Variants in PDE4B observed in about 807,000 individuals in gnomAD.
PDE4B encodes the protein phosphodiesterase 4B, also known as 3',5'-cyclic-AMP phosphodiesterase 4B.
Under a neutral mutation model 82.2 loss-of-function variants are expected in PDE4B, and 20 were observed. The observed-to-expected ratio is 0.24, with a 90% confidence interval of 0.17 to 0.35. PDE4B has a LOEUF of 0.35. Ranked by LOEUF, PDE4B falls within the 10% of genes least tolerant of loss-of-function variation. The probability of loss-of-function intolerance (pLI) is 1.00; values close to 1 mark genes in which losing one functional copy is unlikely to be tolerated. For synonymous variants in PDE4B, 320 were observed against 318.9 expected (o/e 1.00, Z -0.04); for missense variants, 655 against 907.2 (o/e 0.72, Z 3.57).
intron 3 of PDE4B, among the ~76,000 whole-genome samples, chr1:66,237,898 G>A (rs183398168): frequency 5.9e-5 from 9 of 152,290 alleles, no homozygotes; most frequent in Admixed American, 3.9e-4. Flanking sequence ...TTAGTATACC[G>A]TTAAGTGCAA....
intron 1 of PDE4B, among the ~76,000 whole-genome samples, chr1:65,902,107 A>G (rs1192166286): frequency 6.6e-6 from 1 of 151,940 alleles, no homozygotes; most frequent in African/African-American, 2.4e-5. Flanking sequence ...AGAGATCTTC[A>G]TGGTATTGAC....
chr1:66,211,363 C>T (rs11208821), intron 3 of PDE4B, among the ~76,000 whole-genome samples: 73,400 of 151,844 alleles, frequency 0.48, 18,958 homozygotes, highest in South Asian at 0.63. Flanking sequence ...ACTCTCAAAA[C>T]CTATCCCCAC....
chr1:66,368,797 A>T lies in PDE4B; in HGVS notation c.1673A>T (p.Asn558Ile), dbSNP rs997384435. Reference sequence around the variant, plus strand: ...ACTTGATGATTTCAGGTCCTTCGCAACATGGTACACTGTGCAGACCTGAGC... The same window carrying T: ...ACTTGATGATTTCAGGTCCTTCGCATCATGGTACACTGTGCAGACCTGAGC... ...NYTDRIQVLRNMVHCADLSNP... is the reference protein window; with the variant it reads ...NYTDRIQVLRIMVHCADLSNP... Residue 558 changes from asparagine to isoleucine, a missense_variant, in exon 16 of 17, where the codon AAC (asparagine) becomes ATC (isoleucine). Asn to Ile is a moderately radical substitution (Grantham distance 149). Around this residue, in one of 3 missense-constraint regions of PDE4B, gnomAD observed 283 missense variants for 516.4 expected, o/e 0.55. Transcript: ENST00000341517. The T allele has an allele frequency of 6.5e-7, 1 of 1,544,456 alleles. No individual in the cohort carries two copies. The highest frequency in any genetic ancestry group is 8.8e-7 in the Non-Finnish European group (1 of 1,141,910).
At chr1:66,037,140 A>AG (rs1219053807) in intron 3 of PDE4B, among the ~76,000 whole-genome samples, 1 of 151,902 alleles carries the variant, frequency 6.6e-6, no homozygotes, top group Admixed American at 6.6e-5. Flanking sequence ...AAAAAAAAAA[A>AG]AAAGAAATAA....
rs889164143 is a variant in PDE4B, at chr1:65,964,429, A to G, written c.281+45594A>G. On this transcript the variant is annotated intron_variant, in intron 3 of 16. Transcript: ENST00000341517. ...GCATGCATTAGTATCAAGAAGGTCA[A>G]GATTCATGGATTCTGGTATTTTTGG... Among the ~76,000 whole-genome samples, 9 of 152,336 alleles carry G rather than the reference A, an allele frequency of 5.9e-5. No individual in the cohort carries two copies. The South Asian group carries it at 6.2e-4, about 11-fold the overall frequency.
chr1:66,181,527 C>A (rs1050435095), intron 3 of PDE4B, among the ~76,000 whole-genome samples: 4 of 152,148 alleles, frequency 2.6e-5, no homozygotes, highest in Admixed American at 2.6e-4. Context: ...GTTTCTTGGA[C>A]AATAGACAAT....
chr1:66,195,157 A>T (rs1204394435), intron 3 of PDE4B, among the ~76,000 whole-genome samples: 4 of 152,088 alleles, frequency 2.6e-5, no homozygotes, highest in Admixed American at 2.6e-4. Context: ...TTTTGAGCAA[A>T]ATGAGAATGA....
chr1:65,801,710 C>T (rs567576870), intron 1 of PDE4B, among the ~76,000 whole-genome samples: 1 of 152,210 alleles, frequency 6.6e-6, no homozygotes, highest in South Asian at 2.1e-4. Flanking sequence ...CCTACTTAGC[C>T]ATAATCTTCG....
intron 3 of PDE4B, among the ~76,000 whole-genome samples, chr1:66,245,143 A>G (rs1231964153): frequency 6.6e-6 from 1 of 152,224 alleles, no homozygotes; most frequent in Non-Finnish European, 1.5e-5. Context: ...ATGAGCACTG[A>G]TGAATTAATG....
intron 3 of PDE4B, among the ~76,000 whole-genome samples, chr1:66,125,987 G>T (rs532519121): frequency 5.6e-4 from 86 of 152,250 alleles, no homozygotes; most frequent in African/African-American, 1.9e-3. Flanking sequence ...TGTATTTTTA[G>T]TGGAGATGGG....
intron 3 of PDE4B, among the ~76,000 whole-genome samples, chr1:65,930,872 A>G (rs776746984): frequency 2.6e-5 from 4 of 152,154 alleles, no homozygotes; most frequent in Non-Finnish European, 5.9e-5. Flanking sequence ...GCATGATTGT[A>G]TTTTGCAGTG....
At chr1:65,879,140 A>G (rs1474184869) in intron 1 of PDE4B, among the ~76,000 whole-genome samples, 1 of 152,032 alleles carries the variant, frequency 6.6e-6, no homozygotes, top group African/African-American at 2.4e-5. Flanking sequence ...TATTGGCTGA[A>G]CTCAGGAGTT....
intron 3 of PDE4B, among the ~76,000 whole-genome samples, chr1:66,129,677 A>AC (rs1287049105): frequency 4.4e-5 from 3 of 68,642 alleles, no homozygotes; most frequent in Admixed American, 1.2e-4. Context: ...AAAAAACAAA[A>AC]AAACAAAAAA....
intron 3 of PDE4B, among the ~76,000 whole-genome samples, chr1:65,933,748 A>C (rs1286521353): frequency 6.6e-6 from 1 of 152,220 alleles, no homozygotes; most frequent in Non-Finnish European, 1.5e-5. Flanking sequence ...TCAAGTTGCA[A>C]CAAATGACAC....
rs549076211 is a variant in PDE4B at position 66,198,936 on chromosome 1, G to C, written c.282-48524G>C. Among the ~76,000 whole-genome samples, 3 of 152,198 alleles carry C rather than the reference G, an allele frequency of 2.0e-5. No individual in the cohort carries two copies. The South Asian group carries it at 6.2e-4, about 32-fold the overall frequency. On this transcript the variant is annotated intron_variant, in intron 3 of 16. Transcript: ENST00000341517. The stretch of plus-strand genomic sequence containing the variant: ...TCATCCATGTCCCTACAAAGGACAT[G>C]AACTCATCATTTTTTATGGCTGCAT...
intron 3 of PDE4B, among the ~76,000 whole-genome samples, chr1:66,139,168 C>T (rs1646118379): frequency 6.6e-6 from 1 of 152,204 alleles, no homozygotes; most frequent in East Asian, 1.9e-4. Flanking sequence ...AGTCCAAGTA[C>T]AGCATGGTTC....
chr1:65,881,407 G>C (rs1216561395), intron 1 of PDE4B, among the ~76,000 whole-genome samples: 1 of 152,128 alleles, frequency 6.6e-6, no homozygotes, highest in East Asian at 1.9e-4. Flanking sequence ...TGAGACTGTG[G>C]TTGGCACCAA....
At chr1:66,061,858 G>A (rs183925435) in intron 3 of PDE4B, among the ~76,000 whole-genome samples, 117 of 152,172 alleles carry the variant, frequency 7.7e-4, no homozygotes, top group African/African-American at 2.5e-3. Context: ...AACCATCATG[G>A]CACATGTATA....
intron 3 of PDE4B, among the ~76,000 whole-genome samples, chr1:65,994,512 T>C (rs1462484744): frequency 6.7e-6 from 1 of 148,764 alleles, no homozygotes; most frequent in African/African-American, 2.5e-5. Flanking sequence ...GGTAACATTG[T>C]ATAAAGGGAA....
Sources: allele counts gnomAD v4.1 joint callset (sites outside exome capture counted in the v4.1 genomes callset), GRCh38; gene constraint gnomAD v4.1.1; regional missense constraint gnomAD v4.1.1; transcripts MANE v1.5; gene names NCBI Gene and HGNC (gene_info 2026-07-23, HGNC 2026-07-21).